Variants in CNTNAP2 observed in about 807,000 individuals in gnomAD.
CNTNAP2 encodes the protein contactin associated protein 2, also known as contactin-associated protein-like 2.
Under a neutral mutation model 155.2 loss-of-function variants are expected in CNTNAP2, and 98 were observed. The observed-to-expected ratio is 0.63, with a 90% confidence interval of 0.54 to 0.75. CNTNAP2 has a LOEUF of 0.75. Among genes scored for constraint, CNTNAP2 ranks in the 30% least tolerant of loss-of-function variants. The pLI, the probability that CNTNAP2 is intolerant of heterozygous loss-of-function variation, is 0.00. For synonymous variants in CNTNAP2, 651 were observed against 631.2 expected (o/e 1.03, Z -0.47); for missense variants, 1,727 against 1,688.1 (o/e 1.02, Z -0.40).
chr7:147,559,959 G>A (rs770898580), intron 11 of CNTNAP2, among the ~76,000 whole-genome samples: 9 of 150,988 alleles, frequency 6.0e-5, no homozygotes, highest in Non-Finnish European at 1.2e-4. Flanking sequence ...ACCTGAGGTC[G>A]GGAATTCGAG....
Position 146,351,374 on chromosome 7 carries a change from G to T in CNTNAP2, c.97+234401G>T, listed in dbSNP as rs185084586. Among the ~76,000 whole-genome samples, 3 of 151,786 alleles carry T rather than the reference G, an allele frequency of 2.0e-5. No individual in the cohort carries two copies. The East Asian group carries it at 5.8e-4, about 29-fold the overall frequency. ...TATCAAGGTTACCAAGTGTACATCA[G>T]TCTAAGAATTTGTTTGATGGGTTTT... On this transcript the variant is annotated intron_variant, in intron 1 of 23. Transcript: ENST00000361727.
At chr7:148,330,816 A>C (rs1233513121) in intron 21 of CNTNAP2, among the ~76,000 whole-genome samples, 7 of 134,118 alleles carry the variant, frequency 5.2e-5, no homozygotes, top group African/African-American at 1.8e-4. Flanking sequence ...GATGGAGTGG[A>C]GTGGACAGAT....
intron 7 of CNTNAP2, 107 bp from the exon 8 acceptor site, chr7:147,132,138 C>T (rs1801387280): frequency 2.1e-6 from 3 of 1,425,494 alleles, no homozygotes; most frequent in African/African-American, 2.8e-5. Context: ...TTAGCTTAGG[C>T]TCAGGCTGTG....
chr7:146,715,725 A>G (rs1198114973), intron 1 of CNTNAP2, among the ~76,000 whole-genome samples: 1 of 152,204 alleles, frequency 6.6e-6, no homozygotes, highest in Non-Finnish European at 1.5e-5. Context: ...GTTGCAAACC[A>G]AGTTAAATAG....
At chr7:148,283,068 C>G (rs1033413546) in intron 21 of CNTNAP2, among the ~76,000 whole-genome samples, 3 of 151,332 alleles carry the variant, frequency 2.0e-5, no homozygotes, top group Non-Finnish European at 4.4e-5. Context: ...AATCCCATCT[C>G]TACTTTAAAA....
At chr7:147,505,846 G>C (rs944127884) in intron 11 of CNTNAP2, among the ~76,000 whole-genome samples, 3 of 152,128 alleles carry the variant, frequency 2.0e-5, no homozygotes, top group African/African-American at 7.2e-5. Flanking sequence ...TTTGGAGAAA[G>C]TCTGAGTTAA....
intron 1 of CNTNAP2, among the ~76,000 whole-genome samples, chr7:146,768,405 T>C (rs1045201465): frequency 1.3e-5 from 2 of 151,684 alleles, no homozygotes; most frequent in Non-Finnish European, 2.9e-5. Flanking sequence ...AGTGTCCCGA[T>C]GTTGTGTGCC....
At chr7:148,168,077 G>C (rs935309512) in intron 17 of CNTNAP2, among the ~76,000 whole-genome samples, 2 of 152,120 alleles carry the variant, frequency 1.3e-5, no homozygotes, top group East Asian at 3.9e-4. Context: ...TGCTGGAGAG[G>C]ATGTGGAGAA....
In CNTNAP2 at chr7:146,721,374, TAC is replaced by T. The variant is rs1399688543; in HGVS notation, c.98-52895_98-52894del. ...ATACATTCTATATACATTCTATATATACATTCTATATACATTCTATATACATT... is the reference window on the plus strand; with the variant it reads ...ATACATTCTATATACATTCTATATATATTCTATATACATTCTATATACATT... On this transcript the variant is annotated intron_variant, in intron 1 of 23. Transcript: ENST00000361727. Among the ~76,000 whole-genome samples, 820 of 105,064 alleles carry T rather than the reference TAC, an allele frequency of 7.8e-3. 17 individuals are homozygous for T. Among genetic ancestry groups the T allele is most frequent in the African/African-American group, 0.024 (524 of 21,462 alleles). 68.9% of individuals were successfully genotyped at this position (105,064 alleles called of 152,430 possible). A position where few individuals can be genotyped will look rare whatever the true frequency, so the allele number is the denominator to read the frequency against.
At chr7:148,238,101 AG>A (rs1015321090) in intron 20 of CNTNAP2, among the ~76,000 whole-genome samples, 3 of 152,236 alleles carry the variant, frequency 2.0e-5, no homozygotes, top group Admixed American at 6.5e-5. Context: ...CTGTAATCCC[AG>A]CACTTCGGGA....
chr7:146,472,619 T>A (rs1195790829), intron 1 of CNTNAP2, among the ~76,000 whole-genome samples: 1 of 152,168 alleles, frequency 6.6e-6, no homozygotes, highest in Non-Finnish European at 1.5e-5. Flanking sequence ...GATGGAAATA[T>A]ATATGTGTAT....
chr7:146,695,412 AAT>A (rs1417520136), intron 1 of CNTNAP2, among the ~76,000 whole-genome samples: 1 of 151,414 alleles, frequency 6.6e-6, no homozygotes, highest in African/African-American at 2.4e-5. Context: ...TTGATTTTTA[AAT>A]TAATTAATTA....
intron 22 of CNTNAP2, among the ~76,000 whole-genome samples, chr7:148,384,349 G>A (rs1799142628): frequency 6.6e-6 from 1 of 152,200 alleles, no homozygotes; most frequent in Non-Finnish European, 1.5e-5. Flanking sequence ...TTTAAGAGGT[G>A]CCTTTAAGCT....
chr7:147,877,867 T>C (rs1330397425), intron 13 of CNTNAP2, among the ~76,000 whole-genome samples: 2 of 152,212 alleles, frequency 1.3e-5, no homozygotes, highest in Non-Finnish European at 2.9e-5. Flanking sequence ...AGATATTAAA[T>C]CATTTAAATT....
At chr7:146,448,704 A>C (rs1407261084) in intron 1 of CNTNAP2, among the ~76,000 whole-genome samples, 1 of 152,106 alleles carries the variant, frequency 6.6e-6, no homozygotes, top group Non-Finnish European at 1.5e-5. Context: ...TAATAAATGG[A>C]TATTGGTATG....
At chr7:148,186,560 A>G (rs1346702485) in intron 18 of CNTNAP2, among the ~76,000 whole-genome samples, 1 of 152,158 alleles carries the variant, frequency 6.6e-6, no homozygotes, top group Non-Finnish European at 1.5e-5. Context: ...AGCATTTCAG[A>G]CAACTGGAAA....
chr7:147,285,683 A>G (rs1398328139), intron 8 of CNTNAP2, among the ~76,000 whole-genome samples: 1 of 152,066 alleles, frequency 6.6e-6, no homozygotes, highest in Non-Finnish European at 1.5e-5. Context: ...TTCTTCCTTA[A>G]TACATAAGAG....
At chr7:146,121,086 TACTCAAATGTCTTAAAG>T (rs1797555136) in intron 1 of CNTNAP2, among the ~76,000 whole-genome samples, 1 of 150,622 alleles carries the variant, frequency 6.6e-6, no homozygotes, top group Non-Finnish European at 1.5e-5. Context: ...GACAAAAACT[TACTCAAATGTCTTAAAG>T]TTTACATAAA....
At chr7:148,343,708 A>T (rs1382273615) in intron 21 of CNTNAP2, among the ~76,000 whole-genome samples, 1 of 152,224 alleles carries the variant, frequency 6.6e-6, no homozygotes, top group Admixed American at 6.5e-5. Flanking sequence ...GTAGTTTCCA[A>T]GAAAAGCGTA....
Sources: allele counts gnomAD v4.1 joint callset (sites outside exome capture counted in the v4.1 genomes callset), GRCh38; gene constraint gnomAD v4.1.1; transcripts MANE v1.5; gene names NCBI Gene and HGNC (gene_info 2026-07-23, HGNC 2026-07-21).